ATF6: variants seen among roughly 807,000 people sequenced by gnomAD.
The protein encoded by ATF6 is activating transcription factor 6, also known as cyclic AMP-dependent transcription factor ATF-6 alpha.
A neutral mutation model predicts 83.6 loss-of-function variants in ATF6; 53 were observed. The ratio of observed to expected loss-of-function variants is 0.63; its 90% CI spans 0.51 to 0.80. ATF6 has a LOEUF of 0.80. Ranked by LOEUF, ATF6 falls within the 30% of genes least tolerant of loss-of-function variation. The probability of loss-of-function intolerance (pLI) is 0.00; values close to 1 mark genes in which losing one functional copy is unlikely to be tolerated. For synonymous variants in ATF6, 288 were observed against 285.8 expected, an observed-to-expected ratio of 1.01 and a Z score of -0.08; for missense variants, 744 against 797.9, an observed-to-expected ratio of 0.93 and a Z score of 0.81.
At chr1:161,867,358 T>C (rs1238925428) in intron 14 of ATF6, among the ~76,000 whole-genome samples, 2 of 151,958 alleles carry the variant, frequency 1.3e-5, no homozygotes, top group African/African-American at 4.8e-5. Flanking sequence ...GATTAAATAA[T>C]ATAACAAAAT....
intron 14 of ATF6, among the ~76,000 whole-genome samples, chr1:161,870,834 CA>C (rs1687108217): frequency 6.6e-6 from 1 of 151,724 alleles, no homozygotes; most frequent in South Asian, 2.1e-4. Context: ...ACGAAGTCTT[CA>C]AAATTCTCAG....
At chr1:161,922,065 CTT>C (rs1688223917) in intron 15 of ATF6, among the ~76,000 whole-genome samples, 1 of 152,124 alleles carries the variant, frequency 6.6e-6, no homozygotes. Context: ...GATTATTCCT[CTT>C]GTCTATATTG....
At chr1:161,847,529 G>C (rs1399327281) in intron 10 of ATF6, among the ~76,000 whole-genome samples, 3 of 152,102 alleles carry the variant, frequency 2.0e-5, no homozygotes, top group African/African-American at 7.2e-5. Context: ...ACGCAACATA[G>C]CAATGATAGA....
rs188049791 is a variant in ATF6 at position 161,789,643 on chromosome 1, A to G, written c.355-1765A>G. On this transcript the variant is annotated intron_variant, in intron 4 of 15. Transcript: ENST00000367942. ...AGAATTACAGAAAAAGCAGGTATCT[A>G]TTTTTTATCCTGACTTTAATTGTAA... is the stretch of plus-strand genomic sequence containing the variant. Among the ~76,000 whole-genome samples, 618 of 152,050 alleles carry G rather than the reference A, an allele frequency of 4.1e-3. 8 individuals are homozygous for G. Among genetic ancestry groups the G allele is most frequent in the African/African-American group, 0.015 (602 of 41,438 alleles).
At chr1:161,827,191 A>G (rs1280530357) in intron 9 of ATF6, among the ~76,000 whole-genome samples, 1 of 152,108 alleles carries the variant, frequency 6.6e-6, no homozygotes, top group Non-Finnish European at 1.5e-5. Context: ...TCAGCCTCCC[A>G]AAATGCTGGG....
At chr1:161,802,460 C>A (rs1324701691) in intron 7 of ATF6, among the ~76,000 whole-genome samples, 188 bp downstream of exon 7, 1 of 152,088 alleles carries the variant, frequency 6.6e-6, no homozygotes, top group Non-Finnish European at 1.5e-5. Flanking sequence ...ACGTTAGAAT[C>A]TAAGTGAAAA....
intron 4 of ATF6, among the ~76,000 whole-genome samples, chr1:161,788,266 GT>G (rs1018545765): frequency 6.6e-6 from 1 of 152,048 alleles, no homozygotes; most frequent in Non-Finnish European, 1.5e-5. Flanking sequence ...GTGTTTTTTT[GT>G]TGTTTGCTTT....
chr1:161,805,906 A>G (rs561815563), intron 7 of ATF6, among the ~76,000 whole-genome samples: 2 of 151,088 alleles, frequency 1.3e-5, no homozygotes, highest in South Asian at 4.2e-4. Context: ...GGCTGGTTTC[A>G]CTCTCCAGAG....
intron 9 of ATF6, among the ~76,000 whole-genome samples, chr1:161,837,970 C>T (rs139230775): frequency 1.1e-4 from 17 of 152,286 alleles, no homozygotes; most frequent in African/African-American, 3.1e-4. Context: ...TGGCAGAGAT[C>T]AGAATCACAA....
At chr1:161,900,711 T>C (rs1687767179) in intron 14 of ATF6, among the ~76,000 whole-genome samples, 1 of 152,074 alleles carries the variant, frequency 6.6e-6, no homozygotes, top group Admixed American at 6.5e-5. Flanking sequence ...AATTATTTGC[T>C]TTGCATATGT....
chr1:161,863,443 G>A (rs3767632), intron 14 of ATF6, 131 bp downstream of exon 14: 211,025 of 638,672 alleles, frequency 0.33, 39,481 homozygotes, highest in South Asian at 0.42. Flanking sequence ...TATGTGAGTG[G>A]AACAGTCTAA....
At chr1:161,767,286 C>T (rs966116474) in intron 1 of ATF6, among the ~76,000 whole-genome samples, 2 of 152,142 alleles carry the variant, frequency 1.3e-5, no homozygotes, top group Non-Finnish European at 2.9e-5. Context: ...TTATCTTTCT[C>T]CCTTGGATCA....
In ATF6 at chr1:161,791,511, C is replaced by G; in HGVS notation, c.458C>G (p.Pro153Arg). The G allele has an allele frequency of 6.2e-7, 1 of 1,611,952 alleles. No individual in the cohort carries two copies. The highest frequency in any genetic ancestry group is 1.7e-5 in the Admixed American group (1 of 59,830). Residue 153 changes from proline (P) to arginine (R), a missense_variant, in exon 5 of 16, where the codon CCT (proline) becomes CGT (arginine). By Grantham distance (103) the Pro-to-Arg change is moderately radical. Transcript: ENST00000367942. The stretch of plus-strand genomic sequence containing the variant: ...GCGGAGCCACTGAAGGAAGATAAGC[C>G]TGTCACTGGTCCTAGGAACAAGACT... ...SSAEPLKEDKPVTGPRNKTEN... is the reference protein window; with the variant it reads ...SSAEPLKEDKRVTGPRNKTEN...
intron 9 of ATF6, among the ~76,000 whole-genome samples, chr1:161,831,493 C>T (rs1686058483): frequency 6.6e-6 from 1 of 152,116 alleles, no homozygotes. Flanking sequence ...GACACATGCA[C>T]ACATATGTTT....
intron 15 of ATF6, among the ~76,000 whole-genome samples, chr1:161,953,417 G>A (rs961738929): frequency 3.3e-5 from 5 of 152,194 alleles, no homozygotes; most frequent in South Asian, 4.1e-4. Flanking sequence ...TTCTAGCGAG[G>A]CCTATACATT....
At chr1:161,808,904 G>A (rs4656334) in intron 7 of ATF6, among the ~76,000 whole-genome samples, 18,491 of 151,914 alleles carry the variant, frequency 0.12, 1,675 homozygotes, top group East Asian at 0.31. Flanking sequence ...GCATTTTAAT[G>A]GCTACATAGT....
intron 14 of ATF6, among the ~76,000 whole-genome samples, chr1:161,897,645 A>G (rs973017211): frequency 2.6e-5 from 4 of 152,192 alleles, no homozygotes; most frequent in African/African-American, 9.6e-5. Context: ...TTAGAGCTGG[A>G]CTGGTCAGTA....
At chr1:161,903,134 C>T (rs1330149298) in intron 14 of ATF6, among the ~76,000 whole-genome samples, 2 of 152,148 alleles carry the variant, frequency 1.3e-5, no homozygotes, top group African/African-American at 4.8e-5. Flanking sequence ...CTAGCACACA[C>T]ACAATTAATC....
At chr1:161,931,482 G>T (rs1688431923) in intron 15 of ATF6, among the ~76,000 whole-genome samples, 1 of 151,904 alleles carries the variant, frequency 6.6e-6, no homozygotes, top group African/African-American at 2.4e-5. Context: ...TTCTAGAACA[G>T]CTTTATTGAG....
Sources: allele counts gnomAD v4.1 joint callset (sites outside exome capture counted in the v4.1 genomes callset), GRCh38; gene constraint gnomAD v4.1.1; transcripts MANE v1.5; gene names NCBI Gene and HGNC (gene_info 2026-07-23, HGNC 2026-07-21).